NFIB: variants seen among roughly 807,000 people sequenced by gnomAD.
NFIB encodes the protein nuclear factor 1 B-type.
A neutral mutation model predicts 61.5 loss-of-function variants in NFIB; 11 were observed. The ratio of observed to expected loss-of-function variants is 0.18; its 90% CI spans 0.11 to 0.30. The LOEUF is 0.30. Among genes scored for constraint, NFIB ranks in the 10% least tolerant of loss-of-function variants. NFIB has a pLI of 1.00. For synonymous variants in NFIB, 260 were observed against 216.5 expected (o/e 1.20, Z -1.76); for missense variants, 471 against 608.9 (o/e 0.77, Z 2.38).
intron 1 of NFIB, among the ~76,000 whole-genome samples, chr9:14,378,768 G>T (rs1480836753): frequency 6.6e-6 from 1 of 152,186 alleles, no homozygotes; most frequent in Non-Finnish European, 1.5e-5. Flanking sequence ...AGAAAAAAAT[G>T]AGGTAAGCAT....
At position 14,179,784 on chromosome 9, in the gene NFIB, T is replaced by TA; in HGVS notation, c.563-5dup. The TA allele has an allele frequency of 6.2e-7, 1 of 1,612,998 alleles. No homozygotes were observed. Among genetic ancestry groups the TA allele is most frequent in the Non-Finnish European group, 8.5e-7 (1 of 1,179,358 alleles). The stretch of plus-strand genomic sequence containing the variant: ...GGACTTCCTGATTGTCCAGAATCTG[T>TA]AAAGAAATCACAGAAAATGTTTTCT... On this transcript the variant is annotated splice_region_variant and splice_polypyrimidine_tract_variant and intron_variant, in intron 2 of 10. Coordinates refer to ENST00000380953, the MANE Select transcript of NFIB (RefSeq NM_001190737.2).
chr9:14,168,244 C>T (rs923638602), intron 3 of NFIB, among the ~76,000 whole-genome samples: 1 of 152,118 alleles, frequency 6.6e-6, no homozygotes, highest in African/African-American at 2.4e-5. Context: ...TGGACATTGT[C>T]TGTAGGTAGG....
the NFIB span, among the ~76,000 whole-genome samples, chr9:14,497,583 G>A: frequency 6.6e-6 from 1 of 152,174 alleles, no homozygotes; most frequent in Non-Finnish European, 1.5e-5. Context: ...CCATCTTATA[G>A]CAAATGAGGC....
At chr9:14,519,530 G>A in the NFIB span, among the ~76,000 whole-genome samples, 1 of 152,040 alleles carries the variant, frequency 6.6e-6, no homozygotes, top group African/African-American at 2.4e-5. Context: ...CTTGGCGGGG[G>A]GTTGGGAGGC....
chr9:14,107,157 G>C (rs1470525590), intron 10 of NFIB, among the ~76,000 whole-genome samples: 1 of 151,942 alleles, frequency 6.6e-6, no homozygotes, highest in Admixed American at 6.6e-5. Context: ...TCATACTTTG[G>C]ATTAGGAGAA....
At chr9:14,527,631 A>G in the NFIB span, among the ~76,000 whole-genome samples, 1 of 152,332 alleles carries the variant, frequency 6.6e-6, no homozygotes, top group African/African-American at 2.4e-5. Flanking sequence ...TCTGCACCTT[A>G]GAAAGAGCCT....
At chr9:14,399,242 T>C (rs986391138), upstream of NFIB, among the ~76,000 whole-genome samples, 10 of 152,238 alleles carry the variant, frequency 6.6e-5, no homozygotes, top group African/African-American at 2.4e-4. Context: ...AGTGTGACTC[T>C]TGTTTAAGGC....
At chr9:14,424,799 C>T in the NFIB span, among the ~76,000 whole-genome samples, 1 of 152,102 alleles carries the variant, frequency 6.6e-6, no homozygotes, top group African/African-American at 2.4e-5. Context: ...CTTTCTTTAG[C>T]TCCAGTTTGA....
Position 14,220,026 on chromosome 9 carries a change from C to T in NFIB, c.563-40246G>A, listed in dbSNP as rs886737344. On this transcript the variant is annotated intron_variant, in intron 2 of 10. Transcript: ENST00000380953. The stretch of plus-strand genomic sequence containing the variant: ...GGAGCGCATCAAAGCAACAGGCCCT[C>T]GTCCCTGGTAAACTGTAATCTAGGC... Among the ~76,000 whole-genome samples the T allele has an allele frequency of 2.0e-5, 3 of 152,286 alleles. No individual in the cohort carries two copies. The East Asian group carries it at 5.8e-4, about 29-fold the overall frequency.
At chr9:14,378,369 T>C (rs912885823) in intron 1 of NFIB, among the ~76,000 whole-genome samples, 4 of 152,218 alleles carry the variant, frequency 2.6e-5, no homozygotes, top group African/African-American at 7.2e-5. Flanking sequence ...CGTTCTTTTT[T>C]TGTTTTGAGA....
intron 2 of NFIB, among the ~76,000 whole-genome samples, chr9:14,183,333 A>T (rs1306763616): frequency 6.6e-6 from 1 of 152,128 alleles, no homozygotes; most frequent in Non-Finnish European, 1.5e-5. Flanking sequence ...AGAAGGCTGA[A>T]GTCTTTGAGG....
the NFIB span, among the ~76,000 whole-genome samples, chr9:14,457,880 T>C: frequency 1.3e-5 from 2 of 152,014 alleles, no homozygotes; most frequent in Middle Eastern, 3.2e-3. Flanking sequence ...AATTAATAGC[T>C]TACCAACCAA....
intron 1 of NFIB, chr9:14,322,214 CAGTCTGTCTGGATTTCCAGCTT>C (rs2060677948): frequency 1.1e-6 from 1 of 875,022 alleles, no homozygotes; most frequent in African/African-American, 1.7e-5. Context: ...GGCAGCCCTT[CAGTCTGTCTGGATTTCCAGCTT>C]TCTTTCCTCT....
chr9:14,433,448 A>C, the NFIB span, among the ~76,000 whole-genome samples: 1 of 152,208 alleles, frequency 6.6e-6, no homozygotes, highest in Non-Finnish European at 1.5e-5. Flanking sequence ...CATATCATAG[A>C]AACAAAATGT....
the NFIB span, among the ~76,000 whole-genome samples, chr9:14,485,107 C>T: frequency 2.0e-5 from 3 of 152,304 alleles, no homozygotes; most frequent in Admixed American, 1.3e-4. Context: ...ACCTTAATTA[C>T]CTCCCAAGTA....
At chr9:14,433,646 T>A in the NFIB span, among the ~76,000 whole-genome samples, 7 of 152,216 alleles carry the variant, frequency 4.6e-5, no homozygotes, top group African/African-American at 1.7e-4. Context: ...TTGACGAGTC[T>A]GCTCAAAGCA....
intron 2 of NFIB, among the ~76,000 whole-genome samples, chr9:14,266,669 C>T (rs1588027004): frequency 6.6e-6 from 1 of 151,964 alleles, no homozygotes; most frequent in East Asian, 1.9e-4. Context: ...TCTTATATGC[C>T]CCATTTTTGT....
the NFIB span, among the ~76,000 whole-genome samples, chr9:14,435,060 C>A: frequency 1.5e-4 from 23 of 152,320 alleles, no homozygotes; most frequent in East Asian, 3.3e-3. Context: ...TTTTCTTTTT[C>A]TTCCATCTCT....
chr9:14,325,940 T>G (rs1365873888), intron 1 of NFIB, among the ~76,000 whole-genome samples: 1 of 152,220 alleles, frequency 6.6e-6, no homozygotes, highest in Non-Finnish European at 1.5e-5. Context: ...CATATTGTAT[T>G]TTTAATATAA....
Sources: gnomAD v4.1 joint callset for allele counts (sites outside exome capture counted in the v4.1 genomes callset) on GRCh38, gnomAD v4.1.1 for gene constraint, MANE v1.5 for transcripts, NCBI Gene and HGNC (gene_info 2026-07-23, HGNC 2026-07-21) for gene names.